Variants in CSMD1 observed in about 807,000 individuals in gnomAD.
CSMD1 encodes the protein CUB and Sushi multiple domains 1, also known as CUB and sushi domain-containing protein 1.
In CSMD1, 213 loss-of-function variants were observed where a neutral mutation model predicts 417.5. The observed-to-expected ratio is 0.51, with a 90% CI of 0.46 to 0.57. The LOEUF (loss-of-function observed/expected upper bound fraction) is 0.57, where lower values mean the gene tolerates loss of function less well. Among genes scored for constraint, CSMD1 ranks in the 20% least tolerant of loss-of-function variants. The probability of loss-of-function intolerance (pLI) is 0.00; values close to 1 mark genes in which losing one functional copy is unlikely to be tolerated. For synonymous variants in CSMD1, 2,862 were observed against 1,736.8 expected (o/e 1.65, Z -16.11); for missense variants, 6,923 against 4,529.7 (o/e 1.53, Z -15.17).
intron 3 of CSMD1, among the ~76,000 whole-genome samples, chr8:4,074,238 G>C (rs35054897): frequency 0.078 from 11,893 of 151,914 alleles, 706 homozygotes; most frequent in East Asian, 0.28. Flanking sequence ...TGTAACCCCA[G>C]AGAAAGCAAA....
rs187554732 is a variant in CSMD1, at chr8:3,238,828, G to T, written c.4154-8597C>A. 1.2e-4 allele frequency among the ~76,000 whole-genome samples: 18 copies of T among 152,324 alleles called. No homozygotes were observed. In the East Asian group the frequency reaches 3.5e-3, roughly 29 times the overall value. The stretch of plus-strand genomic sequence containing the variant: ...TTTACTTTAAGTGTTAAGAGTGGCA[G>T]GTTGGGGATGGCACCAAGAGATATC... On this transcript the variant is annotated intron_variant, in intron 26 of 69. Transcript: ENST00000635120.
chr8:3,070,686 T>G (rs1168419849), intron 49 of CSMD1, among the ~76,000 whole-genome samples: 1 of 152,210 alleles, frequency 6.6e-6, no homozygotes, highest in African/African-American at 2.4e-5. Flanking sequence ...GTCACAACTA[T>G]TTACCCAGTC....
intron 41 of CSMD1, among the ~76,000 whole-genome samples, chr8:3,136,254 C>CTT (rs1158324400): frequency 4.6e-5 from 6 of 129,568 alleles, no homozygotes; most frequent in East Asian, 4.4e-4. Context: ...TTTTTTTTTT[C>CTT]TTTTTTTTTT....
chr8:3,694,821 G>A (rs1026361548), intron 7 of CSMD1, among the ~76,000 whole-genome samples: 2 of 151,822 alleles, frequency 1.3e-5, no homozygotes, highest in Admixed American at 6.6e-5. Context: ...AGGGGAACGC[G>A]GCAAGGAATG....
chr8:3,450,129 G>A (rs529578547), intron 12 of CSMD1, among the ~76,000 whole-genome samples: 18 of 152,244 alleles, frequency 1.2e-4, no homozygotes, highest in African/African-American at 4.1e-4. Flanking sequence ...CTGCACATCA[G>A]GATTTGCTTC....
intron 1 of CSMD1, among the ~76,000 whole-genome samples, chr8:4,922,933 G>A (rs189412794): frequency 2.6e-4 from 39 of 152,092 alleles, no homozygotes; most frequent in African/African-American, 8.9e-4. Context: ...TCCTAGTCTT[G>A]GTGTATATGC....
chr8:4,693,335 G>T (rs1052837231), intron 1 of CSMD1, among the ~76,000 whole-genome samples: 42 of 152,340 alleles, frequency 2.8e-4, no homozygotes, highest in African/African-American at 1.0e-3. Context: ...ATGTGATACA[G>T]GGATGCATGG....
Position 4,082,408 on chromosome 8 carries a change from A to T in CSMD1, c.416-50309T>A, listed in dbSNP as rs181006688. ...AGCATTTAAAAACAACTACAACAAA[A>T]CCCAGTATTTTAAGAAATCTTTTGA... On this transcript the variant is annotated intron_variant, in intron 3 of 69. Coordinates refer to ENST00000635120, the MANE Select transcript of CSMD1 (RefSeq NM_033225.6). Among the ~76,000 whole-genome samples the T allele has an allele frequency of 1.8e-3, 280 of 152,234 alleles. 4 individuals are homozygous for T. In the East Asian group the frequency reaches 0.02, roughly 11 times the overall value.
At chr8:4,133,581 G>C (rs373769814) in intron 3 of CSMD1, among the ~76,000 whole-genome samples, 2 of 152,046 alleles carry the variant, frequency 1.3e-5, no homozygotes, top group South Asian at 2.1e-4. Context: ...CATTAACGCC[G>C]ATATGTGTAA....
At chr8:4,565,533 G>C (rs1437348029) in intron 2 of CSMD1, among the ~76,000 whole-genome samples, 1 of 151,886 alleles carries the variant, frequency 6.6e-6, no homozygotes, top group African/African-American at 2.4e-5. Context: ...TCAGGTGTTT[G>C]AGACAAGCCT....
intron 1 of CSMD1, among the ~76,000 whole-genome samples, chr8:4,663,204 C>T (rs1253177790): frequency 1.3e-5 from 2 of 152,122 alleles, no homozygotes; most frequent in African/African-American, 2.4e-5. Context: ...GCAAGACAAG[C>T]CTGAGACACA....
intron 2 of CSMD1, among the ~76,000 whole-genome samples, chr8:4,457,142 T>A (rs1458926860): frequency 6.6e-6 from 1 of 152,158 alleles, no homozygotes; most frequent in African/African-American, 2.4e-5. Context: ...TTCCTATACC[T>A]TTTGATACCA....
At chr8:3,300,883 C>G (rs576011801) in intron 25 of CSMD1, among the ~76,000 whole-genome samples, 1 of 139,332 alleles carries the variant, frequency 7.2e-6, no homozygotes, top group East Asian at 2.2e-4. Flanking sequence ...TGCTTGAACC[C>G]AGGAGGCTGA....
chr8:4,450,193 A>G (rs761770000), intron 2 of CSMD1, among the ~76,000 whole-genome samples: 2 of 152,222 alleles, frequency 1.3e-5, no homozygotes, highest in Non-Finnish European at 2.9e-5. Flanking sequence ...CTGGGCAACA[A>G]TTGAAGTTAC....
chr8:4,528,781 TTCTC>T (rs35818830), intron 2 of CSMD1, among the ~76,000 whole-genome samples: 93,846 of 149,258 alleles, frequency 0.63, 29,474 homozygotes, highest in African/African-American at 0.69. Context: ...AGAGCTCACT[TTCTC>T]TCTCTCTCTC....
intron 25 of CSMD1, among the ~76,000 whole-genome samples, chr8:3,290,226 G>T (rs1041502873): frequency 6.8e-6 from 1 of 147,304 alleles, no homozygotes; most frequent in Non-Finnish European, 1.5e-5. Context: ...TTTGGTTACT[G>T]TAGCCTTGTA....
At chr8:3,938,544 G>A (rs1449832947) in intron 5 of CSMD1, among the ~76,000 whole-genome samples, 1 of 152,146 alleles carries the variant, frequency 6.6e-6, no homozygotes, top group Admixed American at 6.6e-5. Flanking sequence ...GATGATTTGA[G>A]AGGACCGATG....
rs548304563 is a variant in CSMD1 at position 4,199,538 on chromosome 8, T to C, written c.416-167439A>G. Reference sequence around the variant, plus strand: ...ATTTAAATATAAGCGATCATCAGTATTGAATCCTCTCGGCTACCAAAGGAG... The same window carrying C: ...ATTTAAATATAAGCGATCATCAGTACTGAATCCTCTCGGCTACCAAAGGAG... On this transcript the variant is annotated intron_variant, in intron 3 of 69. Coordinates refer to ENST00000635120, the MANE Select transcript of CSMD1 (RefSeq NM_033225.6). 1.1e-4 allele frequency among the ~76,000 whole-genome samples: 17 copies of C among 152,284 alleles called. No homozygotes were observed. The South Asian group carries it at 2.9e-3, about 26-fold the overall frequency.
At chr8:3,875,781 T>C (rs932904110) in intron 5 of CSMD1, among the ~76,000 whole-genome samples, 1 of 152,020 alleles carries the variant, frequency 6.6e-6, no homozygotes, top group Non-Finnish European at 1.5e-5. Flanking sequence ...CCTCAAAGCT[T>C]TGTGGTAAAG....
Sources: gnomAD v4.1 joint callset for allele counts (sites outside exome capture counted in the v4.1 genomes callset) on GRCh38, gnomAD v4.1.1 for gene constraint, MANE v1.5 for transcripts, NCBI Gene and HGNC (gene_info 2026-07-23, HGNC 2026-07-21) for gene names.